Variants in PTER observed in about 807,000 individuals in gnomAD.
PTER encodes the protein phosphotriesterase related.
A neutral mutation model predicts 29.6 loss-of-function variants in PTER; 38 were observed. The observed-to-expected ratio is 1.28, with a 90% confidence interval of 0.99 to 1.68. PTER has a LOEUF of 1.68. Ranked by LOEUF, PTER falls within the 40% of genes most tolerant of loss-of-function variation. The pLI is 0.00. For synonymous variants in PTER, 172 were observed against 154.5 expected, an observed-to-expected ratio of 1.11 and a Z score of -0.84; for missense variants, 482 against 427.8, an observed-to-expected ratio of 1.13 and a Z score of -1.12.
rs1284509736 is a variant in PTER, at chr10:16,511,493, A to C, written c.*237A>C. On this transcript the variant is annotated 3_prime_UTR_variant, in exon 5 of 5. Coordinates refer to ENST00000535784, the MANE Select transcript of PTER (RefSeq NM_001261836.2). ...AACTTAACAAAATAAATACAGAAGT[A>C]CCTATTTCTAAACAATGATTTAAAG... 9.8e-6 allele frequency: 5 copies of C among 511,132 alleles called. No individual in the cohort carries two copies. Among genetic ancestry groups the C allele is most frequent in the Non-Finnish European group, 1.8e-5 (5 of 285,512 alleles). 31.7% of individuals were successfully genotyped at this position (511,132 alleles called of 1,614,324 possible). A position where few individuals can be genotyped will look rare whatever the true frequency, so the allele number is the denominator to read the frequency against.
chr10:16,499,645 T>G (rs552958196), intron 3 of PTER, among the ~76,000 whole-genome samples: 2 of 152,136 alleles, frequency 1.3e-5, no homozygotes, highest in Middle Eastern at 6.8e-3. Context: ...GGTTTTGCCA[T>G]GTTGCCCAAG....
intron 1 of PTER, 107 bp from the exon 2 acceptor site, chr10:16,484,230 C>A: frequency 1.5e-6 from 1 of 671,096 alleles, no homozygotes; most frequent in Non-Finnish European, 2.4e-6. Context: ...ATTGATTTGC[C>A]TTCTTACATG....
At chr10:16,460,697 T>C (rs1834579287) in intron 1 of PTER, among the ~76,000 whole-genome samples, 1 of 152,176 alleles carries the variant, frequency 6.6e-6, no homozygotes, top group South Asian at 2.1e-4. Flanking sequence ...TGTATTAAAA[T>C]TATTAAAGTT....
At chr10:16,494,151 T>C (rs1180893559) in intron 3 of PTER, among the ~76,000 whole-genome samples, 1 of 152,214 alleles carries the variant, frequency 6.6e-6, no homozygotes, top group Admixed American at 6.5e-5. Context: ...CAACCTCTTT[T>C]GTGCTATGTG....
At chr10:16,510,974 A>G in intron 4 of PTER, 72 bp from the exon 5 acceptor site, 1 of 1,340,474 alleles carries the variant, frequency 7.5e-7, no homozygotes, top group Non-Finnish European at 1.0e-6. Context: ...GTTAATGAGT[A>G]AAAAGTTGAA....
chr10:16,504,106 T>C (rs532384879), intron 3 of PTER, among the ~76,000 whole-genome samples: 19 of 152,286 alleles, frequency 1.2e-4, no homozygotes, highest in Middle Eastern at 3.4e-3. Flanking sequence ...ACTTTTTTTT[T>C]CCCATATTGT....
intron 1 of PTER, among the ~76,000 whole-genome samples, chr10:16,445,600 G>A (rs960596315): frequency 6.6e-6 from 1 of 152,124 alleles, no homozygotes; most frequent in Admixed American, 6.6e-5. Context: ...CTCTCAGGCT[G>A]CAGTGTCTCC....
chr10:16,453,855 T>G (rs1834298794), intron 1 of PTER, among the ~76,000 whole-genome samples: 1 of 152,190 alleles, frequency 6.6e-6, no homozygotes, highest in African/African-American at 2.4e-5. Flanking sequence ...TTAGAGCCCA[T>G]GTAACATCTT....
chr10:16,439,584 A>G (rs1003153723), intron 1 of PTER, among the ~76,000 whole-genome samples: 2 of 152,142 alleles, frequency 1.3e-5, no homozygotes, highest in Non-Finnish European at 2.9e-5. Flanking sequence ...AAAATGATGA[A>G]CTGTATAGCA....
chr10:16,444,580 A>G (rs1318503358), intron 1 of PTER, among the ~76,000 whole-genome samples: 2 of 151,318 alleles, frequency 1.3e-5, no homozygotes, highest in African/African-American at 4.9e-5. Flanking sequence ...TTTTTTAGAG[A>G]TGGGGTCTCA....
At chr10:16,509,706 C>T (rs1265142731) in intron 4 of PTER, among the ~76,000 whole-genome samples, 3 of 151,968 alleles carry the variant, frequency 2.0e-5, no homozygotes, top group Non-Finnish European at 1.5e-5. Context: ...GAGTGTGTTC[C>T]AAAAGTAACT....
chr10:16,473,652 C>G (rs1588606518), intron 1 of PTER, among the ~76,000 whole-genome samples: 1 of 151,472 alleles, frequency 6.6e-6, no homozygotes, highest in South Asian at 2.1e-4. Context: ...GCTGTAAACG[C>G]TCATAAATAT....
intron 1 of PTER, among the ~76,000 whole-genome samples, chr10:16,443,017 G>A (rs1833899723): frequency 6.6e-6 from 1 of 152,076 alleles, no homozygotes; most frequent in Admixed American, 6.6e-5. Flanking sequence ...GCCCCCAGGT[G>A]TAATTAAGGG....
At chr10:16,477,130 T>C (rs1037446863) in intron 1 of PTER, among the ~76,000 whole-genome samples, 5 of 152,088 alleles carry the variant, frequency 3.3e-5, no homozygotes, top group African/African-American at 4.8e-5. Context: ...TATCAAACCC[T>C]TGAGCTCAAG....
downstream of PTER, among the ~76,000 whole-genome samples, chr10:16,515,105 T>A (rs1836929351): frequency 6.6e-6 from 1 of 152,116 alleles, no homozygotes; most frequent in African/African-American, 2.4e-5. Context: ...TCTAATCAGC[T>A]GTTTATGAGT....
intron 1 of PTER, among the ~76,000 whole-genome samples, chr10:16,467,659 A>C (rs1409417329): frequency 1.3e-5 from 2 of 152,106 alleles, no homozygotes; most frequent in African/African-American, 4.8e-5. Flanking sequence ...TAAAAATACA[A>C]AAATTAGCCA....
chr10:16,474,316 G>C (rs1225224979), intron 1 of PTER, among the ~76,000 whole-genome samples: 1 of 152,144 alleles, frequency 6.6e-6, no homozygotes, highest in Non-Finnish European at 1.5e-5. Flanking sequence ...GGGTACAAAA[G>C]TCAAGAAAAG....
intron 1 of PTER, among the ~76,000 whole-genome samples, chr10:16,445,855 G>A (rs1303534313): frequency 6.6e-6 from 1 of 152,058 alleles, no homozygotes; most frequent in African/African-American, 2.4e-5. Context: ...GGGCTGACAT[G>A]GCCAAAGCCC....
chr10:16,440,000 G>A (rs1458857705), intron 1 of PTER, among the ~76,000 whole-genome samples: 2 of 151,678 alleles, frequency 1.3e-5, no homozygotes, highest in South Asian at 2.1e-4. Flanking sequence ...ATCAAATGTG[G>A]CTTTGTTCTG....
Sources: gnomAD v4.1 joint callset for allele counts (sites outside exome capture counted in the v4.1 genomes callset) on GRCh38, gnomAD v4.1.1 for gene constraint, MANE v1.5 for transcripts, NCBI Gene and HGNC (gene_info 2026-07-23, HGNC 2026-07-21) for gene names.